ARHGEF40: variants seen among roughly 807,000 people sequenced by gnomAD.
The protein encoded by ARHGEF40 is Rho guanine nucleotide exchange factor 40, also known as Rho guanine nucleotide exchange factor (GEF) 40.
A neutral mutation model predicts 165.9 loss-of-function variants in ARHGEF40; 98 were observed. That is an observed-to-expected ratio of 0.59 (90% CI 0.50 to 0.70). ARHGEF40 has a LOEUF of 0.70. ARHGEF40 is among the 30% of genes least tolerant of loss of function. The probability of loss-of-function intolerance (pLI) is 0.00; values close to 1 mark genes in which losing one functional copy is unlikely to be tolerated. For missense variants in ARHGEF40, 1,815 were observed against 1,968.0 expected, an observed-to-expected ratio of 0.92 and a Z score of 1.47; for synonymous variants, 792 against 814.3, an observed-to-expected ratio of 0.97 and a Z score of 0.47.
the ARHGEF40 span, among the ~76,000 whole-genome samples, chr14:21,062,345 G>T: frequency 1.3e-5 from 2 of 152,156 alleles, no homozygotes; most frequent in Non-Finnish European, 2.9e-5. Context: ...GAAGCTCAAG[G>T]CTCAGGCTCA....
chr14:21,086,567 T>C (rs185880090), intron 19 of ARHGEF40: 1 of 155,522 alleles, frequency 6.4e-6, no homozygotes, highest in East Asian at 1.9e-4. Flanking sequence ...TGAACTTCAT[T>C]CTGCTCATCT....
At position 21,075,032 on chromosome 14, in the gene ARHGEF40, A is replaced by G; in HGVS notation, c.1302A>G (p.Glu434=). ...CAGAATGCCACCTGGTTAAGGAGGA[A>G]TATGAAGGCTCAGGGAAGCCAGAAT... ...KLPECHLVKE[E]YEGSGKPESE... is the part of the protein sequence containing the mutation. The change falls in exon 3 of 24, where the codon GAA becomes GAG. Residue 434 remains glutamate, a synonymous_variant. Coordinates refer to ENST00000298694, the MANE Select transcript of ARHGEF40 (RefSeq NM_018071.5). This position sits in a 1 kb window ranked among gnomAD's most constrained non-coding sequence, Gnocchi z 4.5. 1.2e-6 allele frequency: 2 copies of G among 1,614,030 alleles called. No individual in the cohort carries two copies. Among genetic ancestry groups the G allele is most frequent in the East Asian group, 2.2e-5 (1 of 44,880 alleles).
chr14:21,065,916 T>G (rs1053769963), upstream of ARHGEF40, among the ~76,000 whole-genome samples: 3 of 152,126 alleles, frequency 2.0e-5, no homozygotes, highest in Non-Finnish European at 2.9e-5. Context: ...CTGGCCAACA[T>G]GGTGAAACCC....
upstream of ARHGEF40, among the ~76,000 whole-genome samples, chr14:21,068,441 C>T (rs1215953903): frequency 6.6e-6 from 1 of 152,030 alleles, no homozygotes; most frequent in Non-Finnish European, 1.5e-5. Flanking sequence ...TTGGACCCTA[C>T]CAAGTGTTCC....
rs375018277 is a variant in ARHGEF40, at chr14:21,087,122, T to G, written c.4243+17T>G. 1,031 of 1,606,406 alleles carry G rather than the reference T, an allele frequency of 6.4e-4. No individual in the cohort carries two copies. Among genetic ancestry groups the G allele is most frequent in the Non-Finnish European group, 8.4e-4 (982 of 1,175,970 alleles). ...CTGGAAGAGGTGAGGGCCAGGGTGC[T>G]GGGGGGTGGCCCCCAGGAGTGAAGA... On this transcript the variant is annotated intron_variant, in intron 20 of 23. Coordinates refer to ENST00000298694, the MANE Select transcript of ARHGEF40 (RefSeq NM_018071.5).
rs1304964045 is a variant in ARHGEF40 at position 21,076,342 on chromosome 14, C to T, written c.1740-18C>T. On this transcript the variant is annotated intron_variant, in intron 5 of 23. Transcript: ENST00000298694. ...AACACACACACAGCAGCCTCCTTGG[C>T]TCTTCCTGCTCCCGCAGGCCTGATC... The T allele has an allele frequency of 6.2e-7, 1 of 1,608,926 alleles. No individual in the cohort carries two copies. The highest frequency in any genetic ancestry group is 1.7e-5 in the Admixed American group (1 of 59,964).
intron 21 of ARHGEF40, chr14:21,087,672 CCTCT>C (rs1413585198): frequency 2.9e-5 from 21 of 732,182 alleles, no homozygotes; most frequent in Non-Finnish European, 4.4e-5. Flanking sequence ...TTCCTCTGTA[CCTCT>C]CTCTCTAGCT....
rs1887420815 is a variant in ARHGEF40 at position 21,076,396 on chromosome 14, G to A, written c.1776G>A (p.Leu592=). 6.2e-7 allele frequency: 1 copy of A among 1,613,574 alleles called. No homozygotes were observed. The highest frequency in any genetic ancestry group is 8.5e-7 in the Non-Finnish European group (1 of 1,180,044). The change falls in exon 6 of 24, where the codon CTG becomes CTA. Residue 592 remains leucine, a synonymous_variant. Coordinates refer to ENST00000298694, the MANE Select transcript of ARHGEF40 (RefSeq NM_018071.5). ...DLQTLGLSVL[L]DLRQAPPLPP... is the part of the protein sequence containing the mutation. ...AGACACTGGGGCTGTCCGTCCTGCT[G>A]GACCTTCGTCAGGCACCTCCACTGC...
upstream of ARHGEF40, among the ~76,000 whole-genome samples, chr14:21,069,081 T>G (rs1886463690): frequency 6.6e-6 from 1 of 152,180 alleles, no homozygotes; most frequent in African/African-American, 2.4e-5. Flanking sequence ...CTTTCCGATC[T>G]CCTCTCCTCT....
rs932462120 is a variant in ARHGEF40, at chr14:21,081,171, A to G, written c.2640+155A>G. On this transcript the variant is annotated intron_variant, in intron 13 of 23. Coordinates refer to ENST00000298694, the MANE Select transcript of ARHGEF40 (RefSeq NM_018071.5). ...CTCTGCCACCTCCTTGCTGAATGGC[A>G]TGGGGCAAGATACTAAACCTGACTG... 10 of 1,224,470 alleles carry G rather than the reference A, an allele frequency of 8.2e-6. No individual in the cohort carries two copies. In the Admixed American group the frequency reaches 1.9e-4, roughly 23 times the overall value. The allele number at this position is 1,224,470 out of a possible 1,614,324, so 75.9% of individuals were successfully genotyped here. A position where few individuals can be genotyped will look rare whatever the true frequency, so the allele number is the denominator to read the frequency against.
At chr14:21,084,638 A>C in intron 17 of ARHGEF40, 115 bp from the exon 18 acceptor site, 1 of 1,178,816 alleles carries the variant, frequency 8.5e-7, no homozygotes, top group African/African-American at 1.5e-5. Flanking sequence ...TGACTTCCTG[A>C]CTCTACCTGA....
chr14:21,072,903 A>T lies in ARHGEF40; in HGVS notation c.4-142A>T. ...CACTCCTGTTCTGGGCTCATCAGCC[A>T]GCATTTCCTGAGTGCTCACTTTTTG... is the stretch of plus-strand genomic sequence containing the variant. On this transcript the variant is annotated intron_variant, in intron 1 of 23. Coordinates refer to ENST00000298694, the MANE Select transcript of ARHGEF40 (RefSeq NM_018071.5). The surrounding 1 kb of genome is among the most constrained non-coding windows in gnomAD (Gnocchi z 4.1). 1.2e-6 allele frequency: 1 copy of T among 844,350 alleles called. No individual in the cohort carries two copies. The highest frequency in any genetic ancestry group is 1.9e-6 in the Non-Finnish European group (1 of 538,104). The allele number at this position is 844,350 out of a possible 1,614,324, so 52.3% of individuals were successfully genotyped here. A position where few individuals can be genotyped will look rare whatever the true frequency, so the allele number is the denominator to read the frequency against.
chr14:21,071,010 A>C, intron 1 of ARHGEF40: 3 of 754,038 alleles, frequency 4.0e-6, no homozygotes, highest in Non-Finnish European at 6.6e-6. Context: ...GGGGGAGCTC[A>C]CAGTACCAGG....
Position 21,072,895 on chromosome 14 carries a change from C to A in ARHGEF40, c.4-150C>A. On this transcript the variant is annotated intron_variant, in intron 1 of 23. Transcript: ENST00000298694. This position sits in a 1 kb window ranked among gnomAD's most constrained non-coding sequence, Gnocchi z 4.1. ...CCCAGCCCCACTCCTGTTCTGGGCT[C>A]ATCAGCCAGCATTTCCTGAGTGCTC... 1 of 783,978 alleles carries A rather than the reference C, an allele frequency of 1.3e-6. No individual in the cohort carries two copies. Among genetic ancestry groups the A allele is most frequent in the East Asian group, 2.5e-5 (1 of 39,332 alleles). The allele number at this position is 783,978 out of a possible 1,614,324, so 48.6% of individuals were successfully genotyped here.
chr14:21,076,311 C>A (rs746425111), intron 5 of ARHGEF40, 49 bp from the exon 6 acceptor site: 3 of 1,499,336 alleles, frequency 2.0e-6, no homozygotes, highest in Non-Finnish European at 2.8e-6. Flanking sequence ...ATCTGCTATC[C>A]CCCAAAACAC....
chr14:21,078,965 C>T lies in ARHGEF40; in HGVS notation c.2328C>T (p.His776=), dbSNP rs769602811. Residue 776 remains histidine, a synonymous_variant, in exon 11 of 24, where the codon CAC becomes CAT. Transcript: ENST00000298694. ...AGCTTGTGCGCCTCTCCAACCTGCA[C>T]GTGCAGCAGCAAGAGCAGCGGCAGT... The part of the protein sequence containing the change: ...IHQLVRLSNL[H]VQQQEQRQCL... 16 of 1,614,044 alleles carry T rather than the reference C, an allele frequency of 9.9e-6. No homozygotes were observed. Among genetic ancestry groups the T allele is most frequent in the Middle Eastern group, 1.6e-4 (1 of 6,076 alleles).
chr14:21,088,909 A>C, intron 23 of ARHGEF40, 33 bp downstream of exon 23: 2 of 1,607,362 alleles, frequency 1.2e-6, no homozygotes, highest in Non-Finnish European at 1.7e-6. Flanking sequence ...TACCACATCC[A>C]GCACTCCTAC....
At chr14:21,086,061 C>A in intron 19 of ARHGEF40, 195 bp downstream of exon 19, 1 of 714,026 alleles carries the variant, frequency 1.4e-6, no homozygotes, top group Non-Finnish European at 2.2e-6. Context: ...AAAGAGAAAG[C>A]TGGCAAATTT....
Position 21,089,232 on chromosome 14 carries a change from G to T in ARHGEF40, c.*224G>T, listed in dbSNP as rs1888636890. ...AGGAGTCAGAGCAGCCACATTGCTT[G>T]CCTTCATACCCTGGAGGTGGGGAAG... On this transcript the variant is annotated 3_prime_UTR_variant, in exon 24 of 24. Coordinates refer to ENST00000298694, the MANE Select transcript of ARHGEF40 (RefSeq NM_018071.5). 3 of 229,428 alleles carry T rather than the reference G, an allele frequency of 1.3e-5. No homozygotes were observed. Among genetic ancestry groups the T allele is most frequent in the South Asian group, 2.7e-4 (2 of 7,278 alleles). 14.2% of individuals were successfully genotyped at this position (229,428 alleles called of 1,614,324 possible).
Sources: gnomAD v4.1 joint callset for allele counts (sites outside exome capture counted in the v4.1 genomes callset) on GRCh38, gnomAD v4.1.1 for gene constraint, Gnocchi (gnomAD v3.1) non-coding constraint, MANE v1.5 for transcripts, NCBI Gene and HGNC (gene_info 2026-07-23, HGNC 2026-07-21) for gene names.